PAX3: variants seen among roughly 807,000 people sequenced by gnomAD.
PAX3 encodes paired box protein Pax-3.
Under a neutral mutation model 51.6 loss-of-function variants are expected in PAX3, and 14 were observed. The observed-to-expected ratio is 0.27, with a 90% CI of 0.18 to 0.42. The LOEUF (loss-of-function observed/expected upper bound fraction) is 0.42. Among genes scored for constraint, PAX3 ranks in the 10% least tolerant of loss-of-function variants. The probability of loss-of-function intolerance (pLI) is 1.00; values close to 1 mark genes in which losing one functional copy is unlikely to be tolerated. For missense variants in PAX3, 540 were observed against 642.8 expected (o/e 0.84, Z 1.73); for synonymous variants, 280 against 253.4 (o/e 1.11, Z -1.00).
chr2:222,201,118 G>A lies in PAX3; in HGVS notation c.*290C>T, dbSNP rs1691271993. The A allele has an allele frequency of 1.3e-6, 2 of 1,577,038 alleles. No individual in the cohort carries two copies. The highest frequency in any genetic ancestry group is 8.7e-7 in the Non-Finnish European group (1 of 1,147,260). ...TCGATGATCAGCACTAAAGAATTGG[G>A]ATGTTTTGATATGTAACCATGTGAA... On this transcript the variant is annotated 3_prime_UTR_variant, in exon 9 of 9. Transcript: ENST00000392070.
intron 4 of PAX3, among the ~76,000 whole-genome samples, chr2:222,281,860 C>T (rs1694658504): frequency 6.6e-6 from 1 of 152,100 alleles, no homozygotes; most frequent in Admixed American, 6.5e-5. Context: ...TTTAGATTTC[C>T]ATAGGCAAGT....
Position 222,206,922 on chromosome 2 carries a change from C to T in PAX3, c.1174-4732G>A, listed in dbSNP as rs372862565. On this transcript the variant is annotated intron_variant, in intron 7 of 8. Coordinates refer to ENST00000392070, the MANE Select transcript of PAX3 (RefSeq NM_181458.4). ...TTCTTTAGTAGGAATTCTTGGTTCA[C>T]GTCTTTATTTTCTTTCTTGTTCTTA... is the stretch of plus-strand genomic sequence containing the variant. Among the ~76,000 whole-genome samples, 12 of 152,102 alleles carry T rather than the reference C, an allele frequency of 7.9e-5. No individual in the cohort carries two copies. In the East Asian group the frequency reaches 1.9e-3, roughly 24 times the overall value.
chr2:222,283,148 C>A (rs1238573391), intron 4 of PAX3, among the ~76,000 whole-genome samples: 4 of 152,184 alleles, frequency 2.6e-5, no homozygotes. Flanking sequence ...AGATTGAAAA[C>A]AATCTACATG....
intron 5 of PAX3, among the ~76,000 whole-genome samples, chr2:222,226,830 T>A (rs1319765517): frequency 6.6e-6 from 1 of 151,672 alleles, no homozygotes; most frequent in Middle Eastern, 3.2e-3. Flanking sequence ...TGAGAAATCA[T>A]GCGTTCTACT....
chr2:222,269,173 T>G (rs1694160030), intron 4 of PAX3, among the ~76,000 whole-genome samples: 1 of 152,222 alleles, frequency 6.6e-6, no homozygotes, highest in Non-Finnish European at 1.5e-5. Context: ...TGGCTAATAC[T>G]CCGAACAAAT....
At chr2:222,225,703 A>G (rs1388684312) in intron 5 of PAX3, among the ~76,000 whole-genome samples, 1 of 152,196 alleles carries the variant, frequency 6.6e-6, no homozygotes, top group Non-Finnish European at 1.5e-5. Flanking sequence ...ACTACTTCAC[A>G]AGATTGTTGT....
intron 7 of PAX3, among the ~76,000 whole-genome samples, chr2:222,211,418 C>G (rs1043185379): frequency 2.0e-5 from 3 of 152,136 alleles, no homozygotes; most frequent in Admixed American, 1.3e-4. Flanking sequence ...ACACTGCAAT[C>G]ACTTCATTAG....
intron 4 of PAX3, among the ~76,000 whole-genome samples, chr2:222,256,991 A>T (rs1222671863): frequency 6.6e-6 from 1 of 152,254 alleles, no homozygotes; most frequent in Non-Finnish European, 1.5e-5. Context: ...AATATAATCA[A>T]TACGTAGGTA....
At chr2:222,261,510 C>A (rs191537309) in intron 4 of PAX3, among the ~76,000 whole-genome samples, 1 of 150,670 alleles carries the variant, frequency 6.6e-6, no homozygotes, top group African/African-American at 2.4e-5. Context: ...GGAAAAGATA[C>A]GAAGAAGATT....
In PAX3 at chr2:222,294,400, C is replaced by A. The variant is rs2303948; in HGVS notation, c.452-99G>T. On this transcript the variant is annotated intron_variant, in intron 3 of 8. Transcript: ENST00000392070. ...CCCACCCCCAAACACCAGCCAGGGC[C>A]CTAGAGCCGCTGCCCTGCACTGCTC... The A allele has an allele frequency of 0.23, 313,621 of 1,352,434 alleles. 40,558 individuals are homozygous for A. The highest frequency in any genetic ancestry group is 0.44 in the South Asian group (36,828 of 83,514). The allele number at this position is 1,352,434 out of a possible 1,614,324, so 83.8% of individuals were successfully genotyped here. A position where few individuals can be genotyped will look rare whatever the true frequency, so the allele number is the denominator to read the frequency against.
chr2:222,282,571 CT>C (rs1469523606), intron 4 of PAX3, among the ~76,000 whole-genome samples: 1 of 152,124 alleles, frequency 6.6e-6, no homozygotes, highest in Non-Finnish European at 1.5e-5. Context: ...TAGTTCAACC[CT>C]AATTTGGTGA....
At chr2:222,284,767 A>G (rs1299659663) in intron 4 of PAX3, among the ~76,000 whole-genome samples, 1 of 152,120 alleles carries the variant, frequency 6.6e-6, no homozygotes, top group Non-Finnish European at 1.5e-5. Flanking sequence ...CCCGACCAAG[A>G]CTTTTGAGTT....
Position 222,221,304 on chromosome 2 carries a change from C to T in PAX3, c.876G>A (p.Gly292=), listed in dbSNP as rs1161268734. 2.5e-6 allele frequency: 4 copies of T among 1,614,056 alleles called. No individual in the cohort carries two copies. The highest frequency in any genetic ancestry group is 2.5e-6 in the Non-Finnish European group (3 of 1,179,946). Residue 292 remains glycine, a synonymous_variant, in exon 6 of 9, where the codon GGG becomes GGA. Transcript: ENST00000392070. The part of the protein sequence containing the change: ...QLMAFNHLIP[G]GFPPTAMPTL... Reference sequence around the variant, plus strand: ...TCGGCATGGCAGTGGGAGGGAACCCCCCGGGAATGAGATGGTTGAAAGCCA... The same window carrying T: ...TCGGCATGGCAGTGGGAGGGAACCCTCCGGGAATGAGATGGTTGAAAGCCA...
At chr2:222,254,769 A>G (rs1306672719) in intron 4 of PAX3, among the ~76,000 whole-genome samples, 1 of 152,094 alleles carries the variant, frequency 6.6e-6, no homozygotes, top group Non-Finnish European at 1.5e-5. Flanking sequence ...CTCACTATTA[A>G]GCTTTACATT....
intron 4 of PAX3, among the ~76,000 whole-genome samples, chr2:222,275,630 A>AG (rs1250604358): frequency 6.6e-6 from 1 of 152,220 alleles, no homozygotes; most frequent in Non-Finnish European, 1.5e-5. Flanking sequence ...TAGTAAAAAA[A>AG]TGGGAGGATG....
intron 4 of PAX3, among the ~76,000 whole-genome samples, chr2:222,241,992 C>T (rs1693033197): frequency 6.6e-6 from 1 of 152,130 alleles, no homozygotes; most frequent in Non-Finnish European, 1.5e-5. Flanking sequence ...ATTACTATGA[C>T]AGAATAAAAT....
intron 8 of PAX3, 161 bp from the exon 9 acceptor site, chr2:222,201,603 C>A (rs1319067917): frequency 1.6e-6 from 2 of 1,289,334 alleles, no homozygotes; most frequent in Admixed American, 2.0e-5. Context: ...ACTTTGTGTC[C>A]CTGGGATTAT....
At chr2:222,293,505 G>A (rs1695123350) in intron 4 of PAX3, 1 of 845,510 alleles carries the variant, frequency 1.2e-6, no homozygotes, top group Non-Finnish European at 1.8e-6. Context: ...AGAAGACAGA[G>A]GGTGCCAGCA....
intron 4 of PAX3, among the ~76,000 whole-genome samples, chr2:222,243,282 G>T (rs1052136044): frequency 6.6e-6 from 1 of 152,220 alleles, no homozygotes; most frequent in Non-Finnish European, 1.5e-5. Context: ...TTACAAAATT[G>T]CAGAATCCTT....
Sources: gnomAD v4.1 joint callset for allele counts (sites outside exome capture counted in the v4.1 genomes callset) on GRCh38, gnomAD v4.1.1 for gene constraint, MANE v1.5 for transcripts, NCBI Gene and HGNC (gene_info 2026-07-23, HGNC 2026-07-21) for gene names.